CHMP7: variants seen among roughly 807,000 people sequenced by gnomAD.
The protein encoded by CHMP7 is CHMP family, member 7.
CHMP7 carries 15 observed loss-of-function variants against 53.7 expected under a neutral mutation model. The observed-to-expected ratio is 0.28, with a 90% CI of 0.19 to 0.43. CHMP7 has a LOEUF of 0.43. Ranked by LOEUF, CHMP7 falls within the 20% of genes least tolerant of loss-of-function variation. The pLI is 1.00. For synonymous variants in CHMP7, 261 were observed against 228.0 expected, an observed-to-expected ratio of 1.14 and a Z score of -1.30; for missense variants, 527 against 569.4, an observed-to-expected ratio of 0.93 and a Z score of 0.76.
intron 9 of CHMP7, 40 bp from the exon 10 acceptor site, chr8:23,260,104 C>T: frequency 6.4e-7 from 1 of 1,563,460 alleles, no homozygotes; most frequent in Non-Finnish European, 8.8e-7. Flanking sequence ...TGCATTTCTC[C>T]CTTGAGTTTA....
chr8:23,256,317 C>T (rs768222510), intron 4 of CHMP7, 143 bp from the exon 5 acceptor site: 2 of 679,616 alleles, frequency 2.9e-6, no homozygotes, highest in Non-Finnish European at 5.4e-6. Flanking sequence ...GTTCAGACCT[C>T]CACAGGGGAT....
Position 23,246,531 on chromosome 8 carries a change from C to A in CHMP7, c.-165C>A, listed in dbSNP as rs979614423. Reference sequence around the variant, plus strand: ...GCCTCCTGGCTGACGGAGCGCAGCGCAACGCATGCGCCTTGAAGACTTATG... The same window carrying A: ...GCCTCCTGGCTGACGGAGCGCAGCGAAACGCATGCGCCTTGAAGACTTATG... On this transcript the variant is annotated 5_prime_UTR_variant, in exon 2 of 11. Transcript: ENST00000397677. 6 of 627,580 alleles carry A rather than the reference C, an allele frequency of 9.6e-6. No individual in the cohort carries two copies. In the Admixed American group the frequency reaches 1.8e-4, roughly 19 times the overall value. The allele number at this position is 627,580 out of a possible 1,614,324, so 38.9% of individuals were successfully genotyped here. A position where few individuals can be genotyped will look rare whatever the true frequency, so the allele number is the denominator to read the frequency against.
rs1274101252 is a variant in CHMP7, at chr8:23,246,674, C to A, written c.-22C>A. The A allele has an allele frequency of 1.9e-6, 3 of 1,543,034 alleles. No individual in the cohort carries two copies. The highest frequency in any genetic ancestry group is 2.6e-6 in the Non-Finnish European group (3 of 1,143,486). The stretch of plus-strand genomic sequence containing the variant: ...ACCAGGGCCAGGCTTGTGTTCGCAG[C>A]CTTGCCGGGGCTGGGGTTCCGATGT... On this transcript the variant is annotated 5_prime_UTR_variant, in exon 2 of 11. Coordinates refer to ENST00000397677, the MANE Select transcript of CHMP7 (RefSeq NM_152272.5).
chr8:23,251,049 G>A (rs1272619414), intron 3 of CHMP7, among the ~76,000 whole-genome samples: 2 of 152,218 alleles, frequency 1.3e-5, no homozygotes, highest in Non-Finnish European at 2.9e-5. Flanking sequence ...CGCAAAGACT[G>A]CAGGATGGTT....
chr8:23,260,068 G>T, intron 9 of CHMP7, 76 bp from the exon 10 acceptor site: 1 of 1,251,964 alleles, frequency 8.0e-7, no homozygotes, highest in Non-Finnish European at 1.1e-6. Context: ...AGCGGGTTTT[G>T]GTAACCTCAG....
At position 23,258,874 on chromosome 8, in the gene CHMP7, CAG is replaced by C. The variant is rs1377174859; in HGVS notation, c.1059+47_1059+48del. On this transcript the variant is annotated intron_variant, in intron 8 of 10. Transcript: ENST00000397677. The stretch of plus-strand genomic sequence containing the variant: ...GAGGGACACACAGAGAAGGAGGTGA[CAG>C]AGGACAGATTTGACTTCATTGCACA... 7 of 1,373,352 alleles carry C rather than the reference CAG, an allele frequency of 5.1e-6. No homozygotes were observed. The Admixed American group carries it at 6.9e-5, about 13-fold the overall frequency. 85.1% of individuals were successfully genotyped at this position (1,373,352 alleles called of 1,614,324 possible). A position where few individuals can be genotyped will look rare whatever the true frequency, so the allele number is the denominator to read the frequency against.
chr8:23,246,824 G>A lies in CHMP7; in HGVS notation c.129G>A (p.Glu43=), dbSNP rs1338111157. The A allele has an allele frequency of 6.3e-7, 1 of 1,599,044 alleles. No homozygotes were observed. The highest frequency in any genetic ancestry group is 8.5e-7 in the Non-Finnish European group (1 of 1,173,200). ...FLFSAFKRSR[E]VNSTDWDSKM... ...TCTCCGCTTTCAAGAGGAGTCGCGAGGTGAACAGCACCGACTGGGACAGCA... is the reference window on the plus strand; with the variant it reads ...TCTCCGCTTTCAAGAGGAGTCGCGAAGTGAACAGCACCGACTGGGACAGCA... Residue 43 remains glutamate, a synonymous_variant, in exon 2 of 11, where the codon GAG becomes GAA. Coordinates refer to ENST00000397677, the MANE Select transcript of CHMP7 (RefSeq NM_152272.5).
chr8:23,252,193 A>ATTTTTTT (rs1563405578), intron 3 of CHMP7, among the ~76,000 whole-genome samples: 1 of 48,420 alleles, frequency 2.1e-5, no homozygotes, highest in African/African-American at 4.1e-5. Context: ...GTATTGTGTT[A>ATTTTTTT]TCTTTTTTTT....
At chr8:23,247,316 G>C (rs1243577508) in intron 2 of CHMP7, among the ~76,000 whole-genome samples, 1 of 152,176 alleles carries the variant, frequency 6.6e-6, no homozygotes, top group Non-Finnish European at 1.5e-5. Flanking sequence ...GTTTCCTAAG[G>C]GCCTCCAAAT....
intron 9 of CHMP7, chr8:23,259,901 A>C (rs1802313029): frequency 2.2e-6 from 1 of 460,966 alleles, no homozygotes; most frequent in African/African-American, 2.0e-5. Flanking sequence ...CTTCAAGGGC[A>C]GTGGGAATCA....
chr8:23,258,906 C>T (rs1802251871), intron 8 of CHMP7, 76 bp downstream of exon 8: 2 of 1,153,612 alleles, frequency 1.7e-6, no homozygotes, highest in South Asian at 1.2e-5. Context: ...TGCACATCCT[C>T]TTTAACGAAA....
At chr8:23,250,240 G>A (rs1801867857) in intron 3 of CHMP7, among the ~76,000 whole-genome samples, 1 of 152,078 alleles carries the variant, frequency 6.6e-6, no homozygotes, top group African/African-American at 2.4e-5. Flanking sequence ...TCCTGAGTCG[G>A]TCTACAGTTT....
At chr8:23,248,315 C>G (rs762175844) in intron 2 of CHMP7, 4 of 393,700 alleles carry the variant, frequency 1.0e-5, no homozygotes, top group African/African-American at 2.1e-5. Flanking sequence ...CTTCTCCTGA[C>G]TGCTGGTGCT....
At position 23,259,238 on chromosome 8, in the gene CHMP7, G is replaced by C. The variant is rs1391027931; in HGVS notation, c.1120+112G>C. The C allele has an allele frequency of 4.9e-5, 27 of 555,068 alleles. 1 individual carries two copies. The highest frequency in any genetic ancestry group is 4.6e-4 in the South Asian group (21 of 45,178). 34.4% of individuals were successfully genotyped at this position (555,068 alleles called of 1,614,324 possible). A position where few individuals can be genotyped will look rare whatever the true frequency, so the allele number is the denominator to read the frequency against. ...GGCTGGAGTGCAGTGGCGGGATCTC[G>C]GCTCACTGCAAGCTCCGCCTCCCGG... is the stretch of plus-strand genomic sequence containing the variant. On this transcript the variant is annotated intron_variant, in intron 9 of 10. Coordinates refer to ENST00000397677, the MANE Select transcript of CHMP7 (RefSeq NM_152272.5).
chr8:23,257,530 G>C (rs1802184916), intron 5 of CHMP7, among the ~76,000 whole-genome samples: 1 of 152,222 alleles, frequency 6.6e-6, no homozygotes, highest in African/African-American at 2.4e-5. Flanking sequence ...TACAGCCGTG[G>C]ACAAGACAGG....
At chr8:23,257,912 GTAT>G in intron 5 of CHMP7, 118 bp from the exon 6 acceptor site, 1 of 695,776 alleles carries the variant, frequency 1.4e-6, no homozygotes, top group Non-Finnish European at 2.6e-6. Context: ...TTGCCACTGG[GTAT>G]TGGGTTTAGT....
intron 3 of CHMP7, among the ~76,000 whole-genome samples, chr8:23,250,582 C>T (rs1353559826): frequency 6.6e-6 from 1 of 151,956 alleles, no homozygotes; most frequent in Non-Finnish European, 1.5e-5. Flanking sequence ...TTCAACCACC[C>T]CCTCCACCCA....
At chr8:23,258,174 AG>A (rs912936110) in intron 6 of CHMP7, 93 bp downstream of exon 6, 33 of 1,430,698 alleles carry the variant, frequency 2.3e-5, no homozygotes, top group South Asian at 1.9e-4. Flanking sequence ...TGGGGTTTTG[AG>A]GGGGGTAGAG....
Sources: allele counts gnomAD v4.1 joint callset (sites outside exome capture counted in the v4.1 genomes callset), GRCh38; gene constraint gnomAD v4.1.1; transcripts MANE v1.5; gene names NCBI Gene and HGNC (gene_info 2026-07-23, HGNC 2026-07-21).